MYO1B: variants seen among roughly 807,000 people sequenced by gnomAD.
The protein encoded by MYO1B is unconventional myosin-Ib.
A neutral mutation model predicts 159.7 loss-of-function variants in MYO1B; 72 were observed. That is an observed-to-expected ratio of 0.45 (90% CI 0.37 to 0.55). MYO1B has a LOEUF of 0.55. MYO1B is among the 20% of genes least tolerant of loss of function. The pLI, the probability that MYO1B is intolerant of heterozygous loss-of-function variation, is 0.00. For synonymous variants in MYO1B, 468 were observed against 473.8 expected (o/e 0.99, Z 0.16); for missense variants, 1,062 against 1,364.8 (o/e 0.78, Z 3.50).
chr2:191,350,962 A>T (rs1214810633), intron 7 of MYO1B, among the ~76,000 whole-genome samples: 1 of 152,146 alleles, frequency 6.6e-6, no homozygotes, highest in Non-Finnish European at 1.5e-5. Flanking sequence ...TGTGGCACCC[A>T]CAGCACAACC....
chr2:191,276,265 G>A (rs1687743763), intron 1 of MYO1B, among the ~76,000 whole-genome samples: 1 of 152,142 alleles, frequency 6.6e-6, no homozygotes, highest in African/African-American at 2.4e-5. Flanking sequence ...TCCCATAGAT[G>A]CCATGTTAGA....
chr2:191,263,006 A>G (rs1686917710), intron 1 of MYO1B: 1 of 152,102 alleles, frequency 6.6e-6, no homozygotes, highest in Non-Finnish European at 1.5e-5. Context: ...TTCTTTCCTC[A>G]GTTAGATTGC....
At chr2:191,359,428 C>G (rs1436698862) in intron 7 of MYO1B, among the ~76,000 whole-genome samples, 1 of 151,338 alleles carries the variant, frequency 6.6e-6, no homozygotes, top group African/African-American at 2.4e-5. Flanking sequence ...GAAAAATCTG[C>G]AGCATCCTGC....
chr2:191,400,386 GA>G lies in MYO1B; in HGVS notation c.2305del (p.Ile769PhefsTer5). On this transcript the variant is annotated frameshift_variant, in exon 22 of 31. Coordinates refer to ENST00000392318, the MANE Select transcript of MYO1B (RefSeq NM_001130158.3). LOFTEE classifies it high-confidence loss of function. ...IQSYIRGWKARKILRELKHQK... is the reference protein window; with the variant it reads ...IQSYIRGWKAXKILRELKHQK... Reference sequence around the variant, plus strand: ...TTGGGTGATTCTGCCCTTTAGGCTCGAAAAATTCTGCGGGAACTGAAGCATC... The same window carrying G: ...TTGGGTGATTCTGCCCTTTAGGCTCGAAAATTCTGCGGGAACTGAAGCATC... The G allele has an allele frequency of 1.2e-6, 2 of 1,613,760 alleles. No homozygotes were observed. Among genetic ancestry groups the G allele is most frequent in the Non-Finnish European group, 1.7e-6 (2 of 1,179,978 alleles).
intron 2 of MYO1B, among the ~76,000 whole-genome samples, chr2:191,293,260 C>G (rs920822731): frequency 6.6e-6 from 1 of 152,162 alleles, no homozygotes; most frequent in Non-Finnish European, 1.5e-5. Context: ...AGTCACATTT[C>G]AAATGGGAAG....
At chr2:191,368,393 C>T (rs1431806687) in intron 11 of MYO1B, among the ~76,000 whole-genome samples, 1 of 152,194 alleles carries the variant, frequency 6.6e-6, no homozygotes, top group Admixed American at 6.5e-5. Flanking sequence ...AGGCTGCTGA[C>T]ACCCAACCTC....
intron 25 of MYO1B, among the ~76,000 whole-genome samples, chr2:191,408,405 T>A (rs1697060070): frequency 6.6e-6 from 1 of 152,200 alleles, no homozygotes; most frequent in African/African-American, 2.4e-5. Flanking sequence ...TAATGGCCCG[T>A]ATATTATTAA....
intron 2 of MYO1B, among the ~76,000 whole-genome samples, chr2:191,283,244 A>C (rs897627850): frequency 6.6e-6 from 1 of 152,218 alleles, no homozygotes; most frequent in East Asian, 1.9e-4. Context: ...TTCATCATGG[A>C]GGCACTGTAT....
intron 4 of MYO1B, among the ~76,000 whole-genome samples, chr2:191,332,111 C>T (rs1222708919): frequency 2.0e-5 from 3 of 152,060 alleles, no homozygotes; most frequent in African/African-American, 7.2e-5. Flanking sequence ...TACAGGTGCC[C>T]ACCACCACGC....
chr2:191,365,672 G>C (rs1233595216), intron 11 of MYO1B, among the ~76,000 whole-genome samples: 1 of 152,192 alleles, frequency 6.6e-6, no homozygotes, highest in South Asian at 2.1e-4. Context: ...GGAAGTAAGA[G>C]GTTAGGGAAG....
At chr2:191,339,344 C>A (rs1692064413) in intron 4 of MYO1B, among the ~76,000 whole-genome samples, 1 of 152,144 alleles carries the variant, frequency 6.6e-6, no homozygotes, top group Admixed American at 6.6e-5. Flanking sequence ...TATATAAAGT[C>A]TTTGTCTGTA....
chr2:191,295,945 C>A (rs1313939973), intron 2 of MYO1B, among the ~76,000 whole-genome samples, 166 bp from the exon 3 acceptor site: 1 of 152,018 alleles, frequency 6.6e-6, no homozygotes, highest in Non-Finnish European at 1.5e-5. Flanking sequence ...CATTGTTGAC[C>A]ATCTGTCTTC....
At chr2:191,271,728 TATC>T (rs775206493) in intron 1 of MYO1B, among the ~76,000 whole-genome samples, 3 of 152,352 alleles carry the variant, frequency 2.0e-5, no homozygotes, top group East Asian at 1.9e-4. Context: ...TATTTTAACT[TATC>T]ATCCATCTCC....
chr2:191,410,953 T>C (rs961364082), intron 26 of MYO1B, 113 bp from the exon 27 acceptor site: 5 of 627,270 alleles, frequency 8.0e-6, no homozygotes, highest in Non-Finnish European at 1.3e-5. Context: ...AGTGAATGTT[T>C]TGTACTTTCT....
chr2:191,305,315 C>G (rs1689583860), intron 3 of MYO1B, among the ~76,000 whole-genome samples: 1 of 152,196 alleles, frequency 6.6e-6, no homozygotes, highest in South Asian at 2.1e-4. Flanking sequence ...CCCCATCCAG[C>G]CAGCCCAGGG....
intron 24 of MYO1B, among the ~76,000 whole-genome samples, chr2:191,404,367 C>A (rs1157467567): frequency 6.6e-6 from 1 of 152,106 alleles, no homozygotes. Flanking sequence ...TTATGAGGCT[C>A]AACTAAATAT....
At chr2:191,398,711 G>A (rs992011632) in intron 21 of MYO1B, among the ~76,000 whole-genome samples, 2 of 151,998 alleles carry the variant, frequency 1.3e-5, no homozygotes, top group African/African-American at 2.4e-5. Context: ...ATGGGATGGC[G>A]GCGGGGAAGA....
intron 1 of MYO1B, among the ~76,000 whole-genome samples, chr2:191,252,127 C>T (rs181944395): frequency 3.3e-5 from 5 of 152,314 alleles, no homozygotes; most frequent in African/African-American, 4.8e-5. Context: ...GACATTGGGC[C>T]TATGCCAATT....
intron 30 of MYO1B, among the ~76,000 whole-genome samples, chr2:191,418,482 A>ATTTT (rs1159016855): frequency 0.6 from 48,382 of 81,138 alleles, 17,678 homozygotes; most frequent in South Asian, 0.78. Flanking sequence ...TCTTTAGTGG[A>ATTTT]TTTTTTTTTT....
Sources: allele counts gnomAD v4.1 joint callset (sites outside exome capture counted in the v4.1 genomes callset), GRCh38; gene constraint gnomAD v4.1.1; transcripts MANE v1.5; gene names NCBI Gene and HGNC (gene_info 2026-07-23, HGNC 2026-07-21).